PDE1C: variants seen among roughly 807,000 people sequenced by gnomAD.
PDE1C encodes the protein phosphodiesterase 1C, also known as dual specificity calcium/calmodulin-dependent 3',5'-cyclic nucleotide phosphodiesterase 1C.
PDE1C carries 62 observed loss-of-function variants against 93.1 expected under a neutral mutation model. That is an observed-to-expected ratio of 0.67 (90% confidence interval 0.54 to 0.82). The LOEUF is 0.82. Ranked by LOEUF, PDE1C falls within the 40% of genes least tolerant of loss-of-function variation. PDE1C has a pLI of 0.00. For missense variants in PDE1C, 742 were observed against 884.6 expected (o/e 0.84, Z 2.04); for synonymous variants, 325 against 310.1 (o/e 1.05, Z -0.50).
At chr7:32,066,952 G>C (rs1795475975) in intron 1 of PDE1C, among the ~76,000 whole-genome samples, 1 of 152,206 alleles carries the variant, frequency 6.6e-6, no homozygotes, top group African/African-American at 2.4e-5. Context: ...CTCACTTAGA[G>C]AAATGGGAGC....
the PDE1C span, chr7:31,653,769 AC>A: frequency 6.6e-6 from 1 of 152,202 alleles, no homozygotes; most frequent in Non-Finnish European, 1.5e-5. Flanking sequence ...ACATGTACGT[AC>A]ATTTATTATT....
chr7:31,984,986 C>T (rs1272090051), intron 2 of PDE1C, among the ~76,000 whole-genome samples: 1 of 152,140 alleles, frequency 6.6e-6, no homozygotes, highest in African/African-American at 2.4e-5. Context: ...GCCTTAGCTA[C>T]TCTGAAGGAA....
At chr7:31,824,586 G>A (rs1163562949) in intron 13 of PDE1C, among the ~76,000 whole-genome samples, 1 of 152,062 alleles carries the variant, frequency 6.6e-6, no homozygotes, top group African/African-American at 2.4e-5. Flanking sequence ...GATTGTCTGG[G>A]CACAGCAGGT....
chr7:32,166,281 G>GT, intron 3 of PDE1C, among the ~76,000 whole-genome samples: 1 of 152,270 alleles, frequency 6.6e-6, no homozygotes, highest in South Asian at 2.1e-4. Context: ...CTGAAACCCA[G>GT]TACAACCACT....
intron 2 of PDE1C, among the ~76,000 whole-genome samples, chr7:32,011,944 T>C (rs886204768): frequency 6.6e-6 from 1 of 152,090 alleles, no homozygotes; most frequent in Non-Finnish European, 1.5e-5. Context: ...CAACAGTGAA[T>C]AAATTAGAAT....
the PDE1C span, among the ~76,000 whole-genome samples, chr7:31,667,213 C>T: frequency 2.0e-5 from 3 of 152,128 alleles, no homozygotes; most frequent in Admixed American, 1.3e-4. Flanking sequence ...TGGAATACCC[C>T]TTTCTTGTGA....
chr7:32,152,913 C>A (rs1801347045), intron 3 of PDE1C, among the ~76,000 whole-genome samples: 1 of 152,108 alleles, frequency 6.6e-6, no homozygotes. Context: ...TTCAGAAAGC[C>A]AAAATGATCA....
At chr7:32,074,544 T>G (rs1267024890), upstream of PDE1C, among the ~76,000 whole-genome samples, 1 of 152,106 alleles carries the variant, frequency 6.6e-6, no homozygotes, top group East Asian at 1.9e-4. Context: ...AAGGCAAAGC[T>G]CATGTTCTCT....
intron 2 of PDE1C, among the ~76,000 whole-genome samples, chr7:31,890,913 T>G (rs1167817366): frequency 6.6e-6 from 1 of 152,154 alleles, no homozygotes; most frequent in Non-Finnish European, 1.5e-5. Flanking sequence ...CTTCTTGGTC[T>G]GGGACAGGAG....
At chr7:31,846,963 C>A (rs998546262) in intron 9 of PDE1C, among the ~76,000 whole-genome samples, 6 of 152,122 alleles carry the variant, frequency 3.9e-5, no homozygotes, top group Admixed American at 3.9e-4. Context: ...AAGTTCATTT[C>A]TCTAAATCCT....
rs539319729 is a variant in PDE1C at position 32,109,195 on chromosome 7, G to C, written c.308+60590C>G. Among the ~76,000 whole-genome samples the C allele has an allele frequency of 2.0e-5, 3 of 152,144 alleles. No individual in the cohort carries two copies. The South Asian group carries it at 6.2e-4, about 32-fold the overall frequency. On this transcript the variant is annotated intron_variant, in intron 3 of 18. Transcript: ENST00000396193. The stretch of plus-strand genomic sequence containing the variant: ...AGGGACCCCCTCATAGTGTTGTTAT[G>C]ATGGCCAGAAAAACTAGATAAAAAC...
chr7:32,408,017 A>G (rs1224229463), intron 1 of PDE1C, among the ~76,000 whole-genome samples: 1 of 152,216 alleles, frequency 6.6e-6, no homozygotes, highest in African/African-American at 2.4e-5. Context: ...GCTCCAGAAT[A>G]TTATCTGGAG....
At chr7:32,070,234 G>A in intron 1 of PDE1C, 59 bp downstream of exon 1, 8 of 1,610,290 alleles carry the variant, frequency 5.0e-6, no homozygotes, top group South Asian at 3.3e-5. Flanking sequence ...CTGCGGCTGT[G>A]TGGTAAAATA....
intron 1 of PDE1C, among the ~76,000 whole-genome samples, chr7:32,271,064 G>A (rs1810929275): frequency 6.6e-6 from 1 of 152,214 alleles, no homozygotes; most frequent in African/African-American, 2.4e-5. Flanking sequence ...CTTGAACCCA[G>A]GAGGCAGAGG....
intron 3 of PDE1C, among the ~76,000 whole-genome samples, chr7:32,147,000 A>G (rs1800876158): frequency 6.6e-6 from 1 of 152,136 alleles, no homozygotes; most frequent in Non-Finnish European, 1.5e-5. Context: ...GCTAAAAATG[A>G]ACAAAAATAC....
At chr7:31,965,582 C>G (rs1429822495) in intron 2 of PDE1C, among the ~76,000 whole-genome samples, 2 of 152,158 alleles carry the variant, frequency 1.3e-5, no homozygotes, top group East Asian at 1.9e-4. Context: ...GGCAGGCCAA[C>G]ATCCAAATTC....
intron 3 of PDE1C, among the ~76,000 whole-genome samples, chr7:32,113,147 C>T (rs1399610604): frequency 2.0e-5 from 3 of 146,982 alleles, no homozygotes; most frequent in East Asian, 4.0e-4. Context: ...GACTAAGATG[C>T]TATCAAATCA....
chr7:31,855,684 G>A (rs1425787032), intron 7 of PDE1C, among the ~76,000 whole-genome samples: 7 of 117,156 alleles, frequency 6.0e-5, no homozygotes, highest in African/African-American at 9.7e-5. Context: ...TGTCATAAAC[G>A]ACCAAAAAAA....
chr7:31,715,650 G>C, the PDE1C span, among the ~76,000 whole-genome samples: 1 of 152,222 alleles, frequency 6.6e-6, no homozygotes, highest in Non-Finnish European at 1.5e-5. Context: ...CACAGCTTAT[G>C]CTGGGCAACC....
Sources: allele counts gnomAD v4.1 joint callset (sites outside exome capture counted in the v4.1 genomes callset), GRCh38; gene constraint gnomAD v4.1.1; transcripts MANE v1.5; gene names NCBI Gene and HGNC (gene_info 2026-07-23, HGNC 2026-07-21).